Variants in YBEY observed in about 807,000 individuals in gnomAD.
YBEY encodes the protein endoribonuclease YbeY.
YBEY carries 15 observed loss-of-function variants against 13.5 expected under a neutral mutation model. The ratio of observed to expected loss-of-function variants is 1.11; its 90% CI spans 0.75 to 1.72. The LOEUF (loss-of-function observed/expected upper bound fraction) is 1.72, where lower values mean the gene tolerates loss of function less well. Among genes scored for constraint, YBEY ranks in the 40% most tolerant of loss-of-function variants. The probability of loss-of-function intolerance (pLI) is 0.00; values close to 1 mark genes in which losing one functional copy is unlikely to be tolerated. For synonymous variants in YBEY, 101 were observed against 83.1 expected (o/e 1.21, Z -1.17); for missense variants, 244 against 208.4 (o/e 1.17, Z -1.05).
intron 3 of YBEY, among the ~76,000 whole-genome samples, chr21:46,292,829 C>T (rs1356582336): frequency 7.4e-6 from 1 of 135,546 alleles, no homozygotes; most frequent in Admixed American, 7.3e-5. Context: ...GACCCGTGCC[C>T]GGGACTCAGT....
downstream of YBEY, chr21:46,300,286 C>G (rs936135458): frequency 6.5e-6 from 1 of 153,906 alleles, no homozygotes; most frequent in African/African-American, 2.4e-5. Context: ...AAAAAATTAG[C>G]TGGGTGTGGT....
At chr21:46,293,428 CAG>C (rs1335149682) in intron 3 of YBEY, among the ~76,000 whole-genome samples, 1 of 29,590 alleles carries the variant, frequency 3.4e-5, no homozygotes, top group African/African-American at 1.4e-4. Context: ...GCCCGGGACT[CAG>C]TGGAGTCAGC....
intron 3 of YBEY, among the ~76,000 whole-genome samples, chr21:46,293,357 T>TGA (rs2081819199): frequency 2.2e-5 from 1 of 45,194 alleles, no homozygotes; most frequent in African/African-American, 6.5e-5. Context: ...CGGGACTCAG[T>TGA]GGAGTCAGCC....
chr21:46,308,064 G>T, the YBEY span, among the ~76,000 whole-genome samples: 2 of 151,856 alleles, frequency 1.3e-5, no homozygotes, highest in African/African-American at 4.8e-5. Context: ...CACGATTTCT[G>T]CTCACTGCAG....
downstream of YBEY, chr21:46,300,569 A>C (rs1601616424): frequency 9.8e-7 from 1 of 1,015,602 alleles, no homozygotes; most frequent in East Asian, 6.8e-5. Flanking sequence ...AGAGGCACGA[A>C]AAGATGGTTC....
chr21:46,305,089 G>A, the YBEY span, among the ~76,000 whole-genome samples: 4 of 152,126 alleles, frequency 2.6e-5, no homozygotes, highest in Admixed American at 2.0e-4. Flanking sequence ...GATACTGTAC[G>A]GCTCCATTCA....
chr21:46,309,331 A>G, the YBEY span, among the ~76,000 whole-genome samples: 1 of 151,082 alleles, frequency 6.6e-6, no homozygotes, highest in Non-Finnish European at 1.5e-5. Context: ...GCATGGTGGC[A>G]GGCGCCTGTA....
At chr21:46,305,063 T>C in the YBEY span, among the ~76,000 whole-genome samples, 2 of 152,074 alleles carry the variant, frequency 1.3e-5, no homozygotes, top group African/African-American at 2.4e-5. Context: ...GGGGATGATG[T>C]AGTCACACAA....
chr21:46,300,903 A>C, downstream of YBEY: 1 of 945,028 alleles, frequency 1.1e-6, no homozygotes, highest in Non-Finnish European at 1.4e-6. Context: ...ACAAAAAGTA[A>C]AGAAAAGAAA....
the YBEY span, among the ~76,000 whole-genome samples, chr21:46,309,953 C>T: frequency 2.6e-5 from 4 of 151,976 alleles, no homozygotes; most frequent in East Asian, 3.9e-4. Flanking sequence ...GCCGAGATCA[C>T]GCCACTGCAC....
the YBEY span, among the ~76,000 whole-genome samples, chr21:46,303,775 A>G: frequency 1.0e-5 from 1 of 99,970 alleles, no homozygotes; most frequent in Non-Finnish European, 2.0e-5. Context: ...TTTTGGAGAC[A>G]GAGTCTTGCT....
chr21:46,298,018 G>T (rs968457476), downstream of YBEY, among the ~76,000 whole-genome samples: 1 of 152,174 alleles, frequency 6.6e-6, no homozygotes, highest in Non-Finnish European at 1.5e-5. Flanking sequence ...TGGAATATTC[G>T]AGTAAACCCT....
chr21:46,290,678 G>C (rs891338899), intron 2 of YBEY, among the ~76,000 whole-genome samples: 1 of 151,870 alleles, frequency 6.6e-6, no homozygotes, highest in African/African-American at 2.4e-5. Context: ...GGAGGCTGAG[G>C]CAGGCAGATC....
At position 46,296,179 on chromosome 21, in the gene YBEY, A is replaced by T. The variant is rs2081945305; in HGVS notation, c.357A>T (p.Gly119=). 5 of 1,613,600 alleles carry T rather than the reference A, an allele frequency of 3.1e-6. No individual in the cohort carries two copies. Among genetic ancestry groups the T allele is most frequent in the Non-Finnish European group, 4.2e-6 (5 of 1,179,988 alleles). ...TCTGACAGGTGACGGCCACCCACGG[A>T]CTCTGTCACTTGCTGGGATTCACAC... is the stretch of plus-strand genomic sequence containing the variant. ...NDVLTVTATH[G]LCHLLGFTHG... The change falls in exon 4 of 5, where the codon GGA becomes GGT. Residue 119 remains glycine (G), a synonymous_variant. Coordinates refer to ENST00000397701, the MANE Select transcript of YBEY (RefSeq NM_001314025.2).
At chr21:46,305,735 C>A in the YBEY span, among the ~76,000 whole-genome samples, 3 of 151,034 alleles carry the variant, frequency 2.0e-5, no homozygotes, top group Non-Finnish European at 4.4e-5. Context: ...GTTAGAAGAT[C>A]GAGACCATCC....
chr21:46,301,084 CCTT>C, downstream of YBEY: 2 of 1,004,304 alleles, frequency 2.0e-6, no homozygotes, highest in Non-Finnish European at 1.2e-6. Flanking sequence ...TAGCACTCTC[CCTT>C]TTTTTTTTTT....
chr21:46,289,913 GCCTTT>G (rs2081624102), intron 2 of YBEY, among the ~76,000 whole-genome samples: 2 of 149,712 alleles, frequency 1.3e-5, no homozygotes, highest in Non-Finnish European at 1.5e-5. Flanking sequence ...GGTTGTCATA[GCCTTT>G]GTGCAAGGTT....
Position 46,291,342 on chromosome 21 carries a change from A to G in YBEY, c.219A>G (p.Lys73=), listed in dbSNP as rs145267170. The G allele has an allele frequency of 2.3e-5, 37 of 1,614,066 alleles. No homozygotes were observed. The African/African-American group carries it at 3.6e-4, about 16-fold the overall frequency. The part of the protein sequence containing the change: ...VLSFPFHEHL[K]AGEFPQPDFP... ...ATTTCCTCATTTTTTAGCATCTGAA[A>G]GCAGGTGAATTTCCCCAGCCTGATT... Residue 73 remains lysine (K), a synonymous_variant, in exon 3 of 5, where the codon AAA becomes AAG. Transcript: ENST00000397701.
At chr21:46,290,958 T>C (rs1363539609) in intron 2 of YBEY, among the ~76,000 whole-genome samples, 1 of 150,062 alleles carries the variant, frequency 6.7e-6, no homozygotes, top group Admixed American at 6.7e-5. Context: ...GGCAGGAGAA[T>C]TGCTTGAACC....
Sources: gnomAD v4.1 joint callset for allele counts (sites outside exome capture counted in the v4.1 genomes callset) on GRCh38, gnomAD v4.1.1 for gene constraint, MANE v1.5 for transcripts, NCBI Gene and HGNC (gene_info 2026-07-23, HGNC 2026-07-21) for gene names.